DPH6: variants seen among roughly 807,000 people sequenced by gnomAD.
DPH6 encodes diphthamine biosynthesis 6, also known as diphthine--ammonia ligase.
In DPH6, 33 loss-of-function variants were observed where a neutral mutation model predicts 38.2. The ratio of observed to expected loss-of-function variants is 0.86; its 90% confidence interval spans 0.65 to 1.15. DPH6 has a LOEUF of 1.15. Among genes scored for constraint, DPH6 ranks in the 50% most tolerant of loss-of-function variants. The pLI, the probability that DPH6 is intolerant of heterozygous loss-of-function variation, is 0.00. For missense variants in DPH6, 325 were observed against 320.0 expected (o/e 1.02, Z -0.12); for synonymous variants, 108 against 103.0 (o/e 1.05, Z -0.30).
At chr15:35,400,205 T>G (rs1253758379) in intron 6 of DPH6, among the ~76,000 whole-genome samples, 3 of 152,142 alleles carry the variant, frequency 2.0e-5, no homozygotes, top group Non-Finnish European at 4.4e-5. Context: ...AACAAGACAA[T>G]TATTCACTCA....
chr15:35,422,563 T>C (rs966700420), intron 5 of DPH6, among the ~76,000 whole-genome samples: 1 of 151,930 alleles, frequency 6.6e-6, no homozygotes, highest in Non-Finnish European at 1.5e-5. Context: ...TTACCATTTG[T>C]GTGTGTGTTG....
intron 3 of DPH6, among the ~76,000 whole-genome samples, chr15:35,481,807 A>C (rs2054330652): frequency 6.6e-6 from 1 of 152,180 alleles, no homozygotes; most frequent in African/African-American, 2.4e-5. Flanking sequence ...TTCTTTTAAA[A>C]GTGTTTATAA....
At chr15:35,424,878 C>T (rs1475198828) in intron 5 of DPH6, among the ~76,000 whole-genome samples, 1 of 151,558 alleles carries the variant, frequency 6.6e-6, no homozygotes, top group Non-Finnish European at 1.5e-5. Context: ...ATAGAAAAAG[C>T]TGTCCTTTGA....
intron 4 of DPH6, among the ~76,000 whole-genome samples, chr15:35,452,965 T>G (rs1427531698): frequency 6.6e-6 from 1 of 152,202 alleles, no homozygotes; most frequent in Non-Finnish European, 1.5e-5. Context: ...AAAAACTTTT[T>G]GTCCATAAAA....
chr15:35,516,855 C>T (rs2054854622), intron 3 of DPH6, among the ~76,000 whole-genome samples: 1 of 152,048 alleles, frequency 6.6e-6, no homozygotes, highest in Non-Finnish European at 1.5e-5. Context: ...TTTAAGAATT[C>T]CAGAGCATAC....
At chr15:35,494,931 T>C (rs1249359183) in intron 3 of DPH6, among the ~76,000 whole-genome samples, 1 of 152,092 alleles carries the variant, frequency 6.6e-6, no homozygotes. Flanking sequence ...AGGAAAAAAA[T>C]GTCATTATTC....
intron 3 of DPH6, among the ~76,000 whole-genome samples, chr15:35,461,084 T>A (rs559418997): frequency 6.6e-6 from 1 of 152,276 alleles, no homozygotes; most frequent in Admixed American, 6.5e-5. Flanking sequence ...TATTTATTTA[T>A]TCATTTATTT....
chr15:35,330,714 C>G (rs1019303094), downstream of DPH6: 4 of 152,168 alleles, frequency 2.6e-5, no homozygotes, highest in African/African-American at 9.7e-5. Flanking sequence ...TGACACACTT[C>G]AAATCCTCAG....
intron 5 of DPH6, among the ~76,000 whole-genome samples, chr15:35,414,062 T>A (rs1285225705): frequency 1.3e-5 from 2 of 151,602 alleles, no homozygotes; most frequent in Non-Finnish European, 3.0e-5. Flanking sequence ...ACTATTATTA[T>A]TGTGTTGAAT....
chr15:35,369,725 T>G (rs1403317986), downstream of DPH6, among the ~76,000 whole-genome samples: 1 of 151,356 alleles, frequency 6.6e-6, no homozygotes, highest in African/African-American at 2.4e-5. Flanking sequence ...AAAATTCCAA[T>G]GAATGAAATC....
intron 3 of DPH6, chr15:35,298,229 G>A (rs955440757): frequency 2.0e-6 from 1 of 508,338 alleles, no homozygotes; most frequent in African/African-American, 1.9e-5. Flanking sequence ...GAGATGACTT[G>A]TGCTCTAGTT....
At chr15:35,374,679 G>C (rs113000658) in intron 7 of DPH6, among the ~76,000 whole-genome samples, 1 of 151,886 alleles carries the variant, frequency 6.6e-6, no homozygotes, top group Admixed American at 6.6e-5. Flanking sequence ...CATTAAAAAG[G>C]CTTCCATGAC....
At chr15:35,512,313 G>A (rs2054785470) in intron 3 of DPH6, among the ~76,000 whole-genome samples, 2 of 152,096 alleles carry the variant, frequency 1.3e-5, no homozygotes, top group Admixed American at 6.6e-5. Flanking sequence ...TAATAGCCAG[G>A]AGCAGAAGAG....
chr15:35,473,820 A>T (rs1314314758), intron 3 of DPH6, among the ~76,000 whole-genome samples: 1 of 152,112 alleles, frequency 6.6e-6, no homozygotes, highest in Non-Finnish European at 1.5e-5. Flanking sequence ...GGACTACTAC[A>T]CAACAATTAA....
intron 3 of DPH6, among the ~76,000 whole-genome samples, chr15:35,464,413 T>C (rs1166503251): frequency 6.6e-6 from 1 of 152,188 alleles, no homozygotes; most frequent in Non-Finnish European, 1.5e-5. Context: ...AAAAATTATA[T>C]TCCAGATACT....
chr15:35,187,587 G>T, the DPH6 span, among the ~76,000 whole-genome samples: 1 of 152,048 alleles, frequency 6.6e-6, no homozygotes, highest in East Asian at 1.9e-4. Context: ...GATGATTTTT[G>T]ATTTAGTATA....
chr15:35,431,766 T>TG (rs57236461), intron 5 of DPH6, among the ~76,000 whole-genome samples: 51,308 of 151,722 alleles, frequency 0.34, 10,222 homozygotes, highest in African/African-American at 0.56. Context: ...AAATCTTGGC[T>TG]CCCCTTAGAA....
chr15:35,411,480 A>G (rs1232739109), intron 5 of DPH6, among the ~76,000 whole-genome samples: 1 of 151,704 alleles, frequency 6.6e-6, no homozygotes, highest in African/African-American at 2.4e-5. Flanking sequence ...GATAGAGACA[A>G]CTCTGAAAAA....
intron 3 of DPH6, among the ~76,000 whole-genome samples, chr15:35,502,965 C>T (rs1336638857): frequency 1.3e-5 from 2 of 148,456 alleles, no homozygotes; most frequent in South Asian, 2.1e-4. Flanking sequence ...CATACACACA[C>T]ACCAGTGTGC....
Sources: allele counts gnomAD v4.1 joint callset (sites outside exome capture counted in the v4.1 genomes callset), GRCh38; gene constraint gnomAD v4.1.1; transcripts MANE v1.5; gene names NCBI Gene and HGNC (gene_info 2026-07-23, HGNC 2026-07-21).